The following LONRF2 variants were observed in gnomAD, a reference collection of about 807,000 sequenced individuals.
LONRF2 encodes LON peptidase N-terminal domain and ring finger 2.
Under a neutral mutation model 66.6 loss-of-function variants are expected in LONRF2, and 35 were observed. The ratio of observed to expected loss-of-function variants is 0.53; its 90% confidence interval spans 0.40 to 0.70. The LOEUF (loss-of-function observed/expected upper bound fraction) is 0.70, where lower values mean the gene tolerates loss of function less well. Ranked by LOEUF, LONRF2 falls within the 30% of genes least tolerant of loss-of-function variation. The pLI, the probability that LONRF2 is intolerant of heterozygous loss-of-function variation, is 0.00. For synonymous variants in LONRF2, 417 were observed against 418.1 expected, an observed-to-expected ratio of 1.00 and a Z score of 0.03; for missense variants, 902 against 1,002.1, an observed-to-expected ratio of 0.90 and a Z score of 1.35.
In LONRF2 at chr2:100,282,883, T is replaced by A. The variant is rs1215015328; in HGVS notation, c.*1415A>T. On this transcript the variant is annotated 3_prime_UTR_variant, in exon 12 of 12. Coordinates refer to ENST00000393437, the MANE Select transcript of LONRF2 (RefSeq NM_198461.4). ...CTGAAAACTAAAGAAAAATTAATAATATTATAAAGTCTTTCTAATAAAATG... is the reference window on the plus strand; with the variant it reads ...CTGAAAACTAAAGAAAAATTAATAAAATTATAAAGTCTTTCTAATAAAATG... 6.8e-6 allele frequency: 1 copy of A among 146,490 alleles called. No homozygotes were observed. Among genetic ancestry groups the A allele is most frequent in the African/African-American group, 2.6e-5 (1 of 39,100 alleles). 9.1% of individuals were successfully genotyped at this position (146,490 alleles called of 1,614,324 possible). A position where few individuals can be genotyped will look rare whatever the true frequency, so the allele number is the denominator to read the frequency against.
chr2:100,292,438 T>C (rs1674981441), intron 9 of LONRF2, among the ~76,000 whole-genome samples: 1 of 152,224 alleles, frequency 6.6e-6, no homozygotes, highest in South Asian at 2.1e-4. Flanking sequence ...TCCTACACAC[T>C]TTTATGTCTC....
intron 10 of LONRF2, among the ~76,000 whole-genome samples, chr2:100,288,701 A>C (rs916033700): frequency 6.6e-6 from 1 of 152,206 alleles, no homozygotes; most frequent in African/African-American, 2.4e-5. Flanking sequence ...TGTTCCTGGA[A>C]GTATACAGAT....
Position 100,284,375 on chromosome 2 carries a change from G to C in LONRF2, c.2188C>G (p.Arg730Gly). ...CGCGTGATGATGACTAATATCCGTC[G>C]GATGGCAAGGAGCCGCTCTTTGAGC... ...TSLKERLLAI[R>G]RILVIITRKM... Residue 730 changes from arginine (R) to glycine (G), a missense_variant, in exon 12 of 12, where the codon CGA becomes GGA. This residue lies in a region of LONRF2 where 317 missense variants were observed against 432.2 expected (regional missense o/e 0.73). Coordinates refer to ENST00000393437, the MANE Select transcript of LONRF2 (RefSeq NM_198461.4). 1 of 1,598,280 alleles carries C rather than the reference G, an allele frequency of 6.3e-7. No individual in the cohort carries two copies. The highest frequency in any genetic ancestry group is 8.5e-7 in the Non-Finnish European group (1 of 1,172,128).
chr2:100,291,717 G>A (rs946178555), intron 9 of LONRF2, among the ~76,000 whole-genome samples: 7 of 151,994 alleles, frequency 4.6e-5, no homozygotes, highest in Admixed American at 1.3e-4. Flanking sequence ...TAACCAGCCC[G>A]GCCCTTCACA....
At position 100,295,412 on chromosome 2, in the gene LONRF2, C is replaced by T; in HGVS notation, c.1598+20G>A. ...TTCAATCTGAACTTAAGACCAAGGA[C>T]ACACAACATGAGCACTTACTTTGAC... On this transcript the variant is annotated intron_variant, in intron 8 of 11. Coordinates refer to ENST00000393437, the MANE Select transcript of LONRF2 (RefSeq NM_198461.4). 1 of 1,606,808 alleles carries T rather than the reference C, an allele frequency of 6.2e-7. No homozygotes were observed. Among genetic ancestry groups the T allele is most frequent in the Non-Finnish European group, 8.5e-7 (1 of 1,177,258 alleles).
chr2:100,305,045 G>C (rs1183756892), intron 2 of LONRF2, among the ~76,000 whole-genome samples: 1 of 152,020 alleles, frequency 6.6e-6, no homozygotes, highest in Non-Finnish European at 1.5e-5. Context: ...CTGCTTTTAG[G>C]GATTCCCCTA....
At position 100,321,752 on chromosome 2, in the gene LONRF2, G is replaced by A; in HGVS notation, c.342C>T (p.Ser114=). ...RAVGLRDRPL[S]AENPGGEPEA... ...CGGGCTCGCCGCCCGGGTTCTCCGC[G>A]GACAGCGGCCGGTCGCGCAGGCCCA... The change falls in exon 1 of 12, where the codon TCC becomes TCT. Residue 114 remains serine, a synonymous_variant. Coordinates refer to ENST00000393437, the MANE Select transcript of LONRF2 (RefSeq NM_198461.4). 9.4e-7 allele frequency: 1 copy of A among 1,064,460 alleles called. No individual in the cohort carries two copies. Among genetic ancestry groups the A allele is most frequent in the Non-Finnish European group, 1.1e-6 (1 of 883,922 alleles). The allele number at this position is 1,064,460 out of a possible 1,614,324, so 65.9% of individuals were successfully genotyped here.
In LONRF2 at chr2:100,299,861, T is replaced by C; in HGVS notation, c.1123A>G (p.Ile375Val). The stretch of plus-strand genomic sequence containing the variant: ...TCCTCTTCAAAGTGTAGACCCAGTA[T>C]AAAATACAAAACTGAAGAATTGGTA... Reference protein sequence around the residue: ...GNTNSSVLYFILGLHFEEDKK... With the variant: ...GNTNSSVLYFVLGLHFEEDKK... Residue 375 changes from isoleucine (I) to valine (V), a missense_variant, in exon 5 of 12, where the codon ATA becomes GTA. By Grantham distance (29) the Ile-to-Val change is conservative (BLOSUM62 3). This residue lies in a region of LONRF2 where 585 missense variants were observed against 569.9 expected (regional missense o/e 1.03). Transcript: ENST00000393437. 6 of 1,612,238 alleles carry C rather than the reference T, an allele frequency of 3.7e-6. No individual in the cohort carries two copies. Among genetic ancestry groups the C allele is most frequent in the Non-Finnish European group, 5.1e-6 (6 of 1,178,378 alleles).
intron 3 of LONRF2, 57 bp from the exon 4 acceptor site, chr2:100,300,844 A>G: frequency 7.2e-7 from 1 of 1,379,414 alleles, no homozygotes; most frequent in Non-Finnish European, 9.6e-7. Flanking sequence ...TTGTAAAAAT[A>G]TAGTATGTCT....
chr2:100,275,283 G>A lies in LONRF2; in HGVS notation c.*9015C>T, dbSNP rs1674575856. 2 of 152,290 alleles carry A rather than the reference G, an allele frequency of 1.3e-5. No homozygotes were observed. Among genetic ancestry groups the A allele is most frequent in the South Asian group, 4.1e-4 (2 of 4,828 alleles). 9.4% of individuals were successfully genotyped at this position (152,290 alleles called of 1,614,324 possible). A position where few individuals can be genotyped will look rare whatever the true frequency, so the allele number is the denominator to read the frequency against. ...GGACATACCTACTTTCTTGGCTGGTGGTCTCAGGGCAATGACGGTAGCTCC... is the reference window on the plus strand; with the variant it reads ...GGACATACCTACTTTCTTGGCTGGTAGTCTCAGGGCAATGACGGTAGCTCC... On this transcript the variant is annotated 3_prime_UTR_variant, in exon 12 of 12. Transcript: ENST00000393437.
At chr2:100,295,753 G>A (rs760149552) in intron 7 of LONRF2, among the ~76,000 whole-genome samples, 200 bp from the exon 8 acceptor site, 9 of 152,080 alleles carry the variant, frequency 5.9e-5, no homozygotes, top group Non-Finnish European at 1.0e-4. Flanking sequence ...AGGAGGAGGC[G>A]TTCACCTGGA....
chr2:100,310,537 A>T (rs1675388074), intron 1 of LONRF2, among the ~76,000 whole-genome samples: 1 of 152,244 alleles, frequency 6.6e-6, no homozygotes, highest in Admixed American at 6.5e-5. Context: ...ACACACAAAG[A>T]TATTACATCA....
rs1675044831 is a variant in LONRF2, at chr2:100,295,443, T to C, written c.1587A>G (p.Ser529=). The change falls in exon 8 of 12, where the codon TCA becomes TCG. Residue 529 remains serine, a synonymous_variant. Transcript: ENST00000393437. ...DRKRIYDEEM[S]ELSNLTRDVP... is the part of the protein sequence containing the mutation. The stretch of plus-strand genomic sequence containing the variant: ...ACATGAGCACTTACTTTGACAGTTC[T>C]GACATTTCTTCATCATAAATTCTCT... The C allele has an allele frequency of 6.2e-7, 1 of 1,613,796 alleles. No individual in the cohort carries two copies. The highest frequency in any genetic ancestry group is 8.5e-7 in the Non-Finnish European group (1 of 1,179,884).
intron 1 of LONRF2, among the ~76,000 whole-genome samples, chr2:100,312,258 A>G (rs1447003643): frequency 6.6e-6 from 1 of 152,128 alleles, no homozygotes; most frequent in Non-Finnish European, 1.5e-5. Context: ...TCCTTTTTAT[A>G]TAAGTTTTAA....
chr2:100,309,218 A>G lies in LONRF2; in HGVS notation c.687T>C (p.Asp229=), dbSNP rs148045486. Residue 229 remains aspartate (D), a synonymous_variant, in exon 2 of 12, where the codon GAT becomes GAC. Transcript: ENST00000393437. The part of the protein sequence containing the change: ...RCDQALELAP[D]DNSLLLLRAE... ...CCCGCAGCAGCAATAATGAATTATC[A>G]TCAGGAGCTGAAAGACAGGAGGAAT... 2,348 of 1,598,122 alleles carry G rather than the reference A, an allele frequency of 1.5e-3. 27 individuals are homozygous for G. The African/African-American group carries it at 0.028, about 19-fold the overall frequency.
At chr2:100,291,508 A>T (rs1674959122) in intron 9 of LONRF2, among the ~76,000 whole-genome samples, 1 of 152,012 alleles carries the variant, frequency 6.6e-6, no homozygotes, top group South Asian at 2.1e-4. Context: ...CGTGGAAAGC[A>T]GTCCCCGGCC....
At chr2:100,300,987 C>G (rs1011088043) in intron 3 of LONRF2, among the ~76,000 whole-genome samples, 200 bp from the exon 4 acceptor site, 1 of 152,156 alleles carries the variant, frequency 6.6e-6, no homozygotes, top group African/African-American at 2.4e-5. Flanking sequence ...AGCTTCCAAT[C>G]CCTTTCCATC....
intron 7 of LONRF2, 26 bp downstream of exon 7, chr2:100,298,810 C>G: frequency 6.5e-6 from 10 of 1,546,796 alleles, no homozygotes; most frequent in Non-Finnish European, 8.9e-6. Context: ...GAGGAGCTGT[C>G]CCGTCATTTC....
At chr2:100,293,227 C>T (rs1266205610) in intron 9 of LONRF2, among the ~76,000 whole-genome samples, 3 of 152,164 alleles carry the variant, frequency 2.0e-5, no homozygotes, top group Non-Finnish European at 2.9e-5. Flanking sequence ...TGTGCACCAA[C>T]GGACATGGCA....
Sources: gnomAD v4.1 joint callset for allele counts (sites outside exome capture counted in the v4.1 genomes callset) on GRCh38, gnomAD v4.1.1 for gene constraint, gnomAD v4.1.1 regional missense constraint, MANE v1.5 for transcripts, NCBI Gene and HGNC (gene_info 2026-07-23, HGNC 2026-07-21) for gene names.